ABCC11: variants seen among roughly 807,000 people sequenced by gnomAD.
ABCC11 encodes the protein ATP binding cassette subfamily C member 11, also known as ATP-binding cassette sub-family C member 11.
A neutral mutation model predicts 149.3 loss-of-function variants in ABCC11; 135 were observed. The ratio of observed to expected loss-of-function variants is 0.90; its 90% CI spans 0.79 to 1.04. The LOEUF is 1.04. ABCC11 is among the 50% of genes least tolerant of loss of function. ABCC11 has a pLI of 0.00. For synonymous variants in ABCC11, 665 were observed against 671.4 expected (o/e 0.99, Z 0.15); for missense variants, 1,680 against 1,722.1 (o/e 0.98, Z 0.43).
chr16:48,178,461 C>G (rs1053228967), intron 24 of ABCC11, 136 bp downstream of exon 24: 1 of 746,738 alleles, frequency 1.3e-6, no homozygotes, highest in Non-Finnish European at 2.2e-6. Flanking sequence ...CTGGGGAAGA[C>G]AGGGAGGAAA....
chr16:48,205,138 C>T (rs917336061), intron 13 of ABCC11, among the ~76,000 whole-genome samples: 4 of 152,276 alleles, frequency 2.6e-5, no homozygotes, highest in Admixed American at 2.0e-4. Context: ...TAGTTAAGCA[C>T]GAAGTTTCTG....
At chr16:48,190,828 CT>C (rs1035861466) in intron 20 of ABCC11, among the ~76,000 whole-genome samples, 1 of 152,242 alleles carries the variant, frequency 6.6e-6, no homozygotes, top group Non-Finnish European at 1.5e-5. Flanking sequence ...GCCAGCGTCA[CT>C]GTGGCCCTCC....
chr16:48,241,843 T>G (rs912583278), intron 1 of ABCC11, among the ~76,000 whole-genome samples: 1 of 152,186 alleles, frequency 6.6e-6, no homozygotes, highest in Admixed American at 6.5e-5. Context: ...GCTAGCCATA[T>G]GTAGAAAGCT....
intron 2 of ABCC11, among the ~76,000 whole-genome samples, 191 bp from the exon 3 acceptor site, chr16:48,230,764 C>T (rs1398867353): frequency 6.6e-6 from 1 of 151,920 alleles, no homozygotes; most frequent in African/African-American, 2.4e-5. Flanking sequence ...CTCTGACCCA[C>T]ATTTGCTGAG....
At chr16:48,202,087 C>T (rs79438497) in intron 14 of ABCC11, among the ~76,000 whole-genome samples, 16 of 152,292 alleles carry the variant, frequency 1.1e-4, no homozygotes, top group African/African-American at 3.9e-4. Flanking sequence ...TCATCAAACA[C>T]TATTCAATGC....
intron 4 of ABCC11, among the ~76,000 whole-genome samples, chr16:48,226,040 T>TG (rs1260437083): frequency 2.7e-5 from 4 of 150,608 alleles, no homozygotes; most frequent in Non-Finnish European, 5.9e-5. Context: ...CTTAGCTGGT[T>TG]ACCTATTAAG....
chr16:48,171,841 T>C (rs1965742962), intron 26 of ABCC11, among the ~76,000 whole-genome samples: 1 of 152,052 alleles, frequency 6.6e-6, no homozygotes. Context: ...TGCAAGCCTG[T>C]AGTCCCAGTT....
intron 18 of ABCC11, 94 bp downstream of exon 18, chr16:48,196,138 T>C: frequency 7.7e-7 from 1 of 1,304,698 alleles, no homozygotes; most frequent in Non-Finnish European, 1.1e-6. Flanking sequence ...TCTGGACCTC[T>C]CTACTTCACA....
chr16:48,224,554 AATCTT>A, intron 4 of ABCC11, 125 bp from the exon 5 acceptor site: 1 of 1,103,508 alleles, frequency 9.1e-7, no homozygotes, highest in African/African-American at 1.6e-5. Context: ...ACAATGTAGT[AATCTT>A]CTGAGTACTC....
intron 23 of ABCC11, among the ~76,000 whole-genome samples, chr16:48,179,634 G>A (rs1403546740): frequency 6.6e-6 from 1 of 152,232 alleles, no homozygotes; most frequent in Non-Finnish European, 1.5e-5. Flanking sequence ...CAGCTGGATG[G>A]AAAGGCAGAC....
At chr16:48,239,052 A>T (rs147986226) in intron 1 of ABCC11, among the ~76,000 whole-genome samples, 3 of 152,064 alleles carry the variant, frequency 2.0e-5, no homozygotes, top group East Asian at 3.9e-4. Flanking sequence ...TCTTTCTTAT[A>T]GTAGAATTCT....
At chr16:48,244,436 G>T in intron 1 of ABCC11, 1 of 1,593,586 alleles carries the variant, frequency 6.3e-7, no homozygotes, top group Non-Finnish European at 8.5e-7. Flanking sequence ...TCCCGCTGCT[G>T]CTCACCCACG....
intron 11 of ABCC11, chr16:48,209,715 T>C (rs1355204795): frequency 1.3e-5 from 2 of 152,098 alleles, no homozygotes; most frequent in African/African-American, 4.8e-5. Context: ...GGGCGAGAGA[T>C]ACAAACTACC....
intron 28 of ABCC11, 84 bp from the exon 29 acceptor site, chr16:48,167,744 A>G: frequency 1.4e-6 from 2 of 1,470,146 alleles, no homozygotes; most frequent in Non-Finnish European, 9.3e-7. Context: ...CTAATTCACC[A>G]GGGCCCTTCC....
intron 15 of ABCC11, among the ~76,000 whole-genome samples, chr16:48,198,545 T>A (rs150572576): frequency 2.0e-5 from 3 of 152,204 alleles, no homozygotes; most frequent in African/African-American, 7.2e-5. Flanking sequence ...TTTTGAAGAA[T>A]TATGAACCAA....
intron 10 of ABCC11, among the ~76,000 whole-genome samples, chr16:48,212,614 A>G (rs1206216847): frequency 2.0e-5 from 3 of 152,084 alleles, no homozygotes; most frequent in Non-Finnish European, 4.4e-5. Flanking sequence ...ATCCTCTTTG[A>G]TCATTAATTT....
At chr16:48,171,053 G>C in intron 26 of ABCC11, 86 bp from the exon 27 acceptor site, 1 of 1,176,772 alleles carries the variant, frequency 8.5e-7, no homozygotes, top group Non-Finnish European at 1.3e-6. Flanking sequence ...GACCAAGAAT[G>C]TTTAGAACTG....
At chr16:48,188,570 A>C (rs1966844541) in intron 20 of ABCC11, among the ~76,000 whole-genome samples, 1 of 152,238 alleles carries the variant, frequency 6.6e-6, no homozygotes, top group African/African-American at 2.4e-5. Context: ...CGGAGATCAA[A>C]GGACATGTCA....
chr16:48,211,002 T>C lies in ABCC11; in HGVS notation c.1554A>G (p.Glu518=), dbSNP rs777608892. ...TRPRDALGPE[E]EGNSLGPELH... ...ACTCTGGGCCCAGGCTGTTCCCTTC[T>C]TCCTCTGGCCCGAGGGCATCTCTAG... The change falls in exon 11 of 30, where the codon GAA becomes GAG. Residue 518 remains glutamate, a synonymous_variant. Transcript: ENST00000356608. 8.7e-6 allele frequency: 14 copies of C among 1,614,096 alleles called. No individual in the cohort carries two copies. In the East Asian group the frequency reaches 1.3e-4, roughly 15 times the overall value.
Sources: gnomAD v4.1 joint callset for allele counts (sites outside exome capture counted in the v4.1 genomes callset) on GRCh38, gnomAD v4.1.1 for gene constraint, MANE v1.5 for transcripts, NCBI Gene and HGNC (gene_info 2026-07-23, HGNC 2026-07-21) for gene names.